Variants in MOV10L1 observed in about 807,000 individuals in gnomAD.
MOV10L1 encodes the protein RNA helicase Mov10l1.
In MOV10L1, 110 loss-of-function variants were observed where a neutral mutation model predicts 143.8. That is an observed-to-expected ratio of 0.76 (90% CI 0.66 to 0.90). The LOEUF (loss-of-function observed/expected upper bound fraction) is 0.90. Ranked by LOEUF, MOV10L1 falls within the 40% of genes least tolerant of loss-of-function variation. MOV10L1 has a pLI of 0.00. For synonymous variants in MOV10L1, 593 were observed against 581.1 expected, an observed-to-expected ratio of 1.02 and a Z score of -0.29; for missense variants, 1,406 against 1,526.8, an observed-to-expected ratio of 0.92 and a Z score of 1.32.
chr22:50,141,713 GCCCTGGGCTGTA>G (rs2062993604), intron 15 of MOV10L1, among the ~76,000 whole-genome samples: 1 of 152,072 alleles, frequency 6.6e-6, no homozygotes, highest in Non-Finnish European at 1.5e-5. Context: ...GAGACCCAGA[GCCCTGGGCTGTA>G]CCCTTGACTG....
chr22:50,109,258 A>G (rs1165179961), intron 5 of MOV10L1, among the ~76,000 whole-genome samples: 1 of 152,168 alleles, frequency 6.6e-6, no homozygotes, highest in African/African-American at 2.4e-5. Context: ...TTGTTGGGGT[A>G]AGAGGAGAGC....
chr22:50,154,738 G>A (rs560167279), intron 22 of MOV10L1, among the ~76,000 whole-genome samples: 2 of 152,266 alleles, frequency 1.3e-5, no homozygotes, highest in Admixed American at 1.3e-4. Flanking sequence ...GATCGTTCTT[G>A]TCTTACGAAT....
At chr22:50,123,419 C>T (rs1231179156) in intron 10 of MOV10L1, among the ~76,000 whole-genome samples, 1 of 152,152 alleles carries the variant, frequency 6.6e-6, no homozygotes, top group African/African-American at 2.4e-5. Context: ...GGCTGGAGTG[C>T]AATGGCTCAG....
intron 10 of MOV10L1, among the ~76,000 whole-genome samples, chr22:50,124,310 C>T (rs75268215): frequency 6.6e-6 from 1 of 152,288 alleles, no homozygotes; most frequent in East Asian, 1.9e-4. Flanking sequence ...TATTCATCTC[C>T]TAAGTATTTT....
chr22:50,099,770 G>A (rs2062690128), intron 3 of MOV10L1, among the ~76,000 whole-genome samples, 168 bp downstream of exon 3: 1 of 152,168 alleles, frequency 6.6e-6, no homozygotes, highest in African/African-American at 2.4e-5. Flanking sequence ...CTATGATCCA[G>A]CCACTACACT....
chr22:50,113,556 C>A, intron 5 of MOV10L1, 92 bp from the exon 6 acceptor site: 1 of 1,501,620 alleles, frequency 6.7e-7, no homozygotes, highest in Non-Finnish European at 8.9e-7. Flanking sequence ...CCTCTGAGTG[C>A]CCCCACCAGC....
At chr22:50,113,573 T>C in intron 5 of MOV10L1, 75 bp from the exon 6 acceptor site, 1 of 1,564,254 alleles carries the variant, frequency 6.4e-7, no homozygotes, top group South Asian at 1.2e-5. Context: ...CAGCAGTCTA[T>C]CCTCAGGAGC....
At position 50,125,508 on chromosome 22, in the gene MOV10L1, T is replaced by C. The variant is rs747190426; in HGVS notation, c.1686T>C (p.Asn562=). ...TGAGCGGGATCATCTTAAGAAGGAA[T>C]GGGGATCTGCTGGTTCTGGAGGTCC... ...YNMSGIILRR[N]GDLLVLEVPG... The change falls in exon 11 of 27, where the codon AAT becomes AAC. Residue 562 remains asparagine (N), a synonymous_variant. Transcript: ENST00000262794. The C allele has an allele frequency of 1.2e-6, 2 of 1,613,992 alleles. No individual in the cohort carries two copies. The highest frequency in any genetic ancestry group is 1.3e-5 in the African/African-American group (1 of 74,902).
intron 16 of MOV10L1, 142 bp downstream of exon 16, chr22:50,142,331 CTGACTG>C: frequency 1.8e-6 from 1 of 564,440 alleles, no homozygotes; most frequent in Non-Finnish European, 3.0e-6. Context: ...CGTCTCCACC[CTGACTG>C]GAGACTTGGT....
intron 3 of MOV10L1, 43 bp from the exon 4 acceptor site, chr22:50,108,091 TTG>T: frequency 1.9e-6 from 3 of 1,555,026 alleles, no homozygotes; most frequent in Non-Finnish European, 2.7e-6. Context: ...TCAGAATAAC[TTG>T]TGCACTTTAA....
In MOV10L1 at chr22:50,158,334, G is replaced by A. The variant is rs114396996; in HGVS notation, c.3216+128G>A. 1.7e-3 allele frequency: 1,931 copies of A among 1,152,800 alleles called. 24 individuals carry two copies. In the African/African-American group the frequency reaches 0.026, roughly 16 times the overall value. The allele number at this position is 1,152,800 out of a possible 1,614,324, so 71.4% of individuals were successfully genotyped here. A position where few individuals can be genotyped will look rare whatever the true frequency, so the allele number is the denominator to read the frequency against. ...AGCAGGTTTTTAAAGGGGCAGGACC[G>A]CACTTGAATGTCGTTCAACATGAGA... On this transcript the variant is annotated intron_variant, in intron 23 of 26. Transcript: ENST00000262794. This position sits in a 1 kb window ranked among gnomAD's most constrained non-coding sequence, Gnocchi z 5.0.
intron 2 of MOV10L1, chr22:50,094,505 T>G (rs1336964477): frequency 6.6e-6 from 1 of 151,546 alleles, no homozygotes; most frequent in African/African-American, 2.4e-5. Context: ...GTTCACACCA[T>G]TCTCCTGCCT....
chr22:50,091,138 G>T (rs2062428803), intron 1 of MOV10L1: 1 of 167,812 alleles, frequency 6.0e-6, no homozygotes, highest in South Asian at 2.1e-4. Context: ...ATCCACGAGG[G>T]CCGATGCCCG....
In MOV10L1 at chr22:50,116,277, C is replaced by G. The variant is rs574339915; in HGVS notation, c.1260-880C>G. On this transcript the variant is annotated intron_variant, in intron 8 of 26. Transcript: ENST00000262794. Reference sequence around the variant, plus strand: ...AGGTGCTAACACAGTGAAACCCTGTCTCTACTAAAAATAAAAAAAATTAGC... The same window carrying G: ...AGGTGCTAACACAGTGAAACCCTGTGTCTACTAAAAATAAAAAAAATTAGC... Among the ~76,000 whole-genome samples the G allele has an allele frequency of 8.0e-5, 12 of 150,292 alleles. No homozygotes were observed. The South Asian group carries it at 2.5e-3, about 32-fold the overall frequency.
At chr22:50,150,257 G>A (rs564994508) in intron 20 of MOV10L1, among the ~76,000 whole-genome samples, 1 of 152,192 alleles carries the variant, frequency 6.6e-6, no homozygotes, top group Non-Finnish European at 1.5e-5. Context: ...CTAGATGTCT[G>A]TCCCAGTCAC....
At chr22:50,116,299 T>C (rs1034166874) in intron 8 of MOV10L1, among the ~76,000 whole-genome samples, 1 of 151,662 alleles carries the variant, frequency 6.6e-6, no homozygotes, top group Non-Finnish European at 1.5e-5. Flanking sequence ...TAAAAAAAAT[T>C]AGCTGGGCGT....
At chr22:50,116,660 C>CTTTTTTTTTT in intron 8 of MOV10L1, among the ~76,000 whole-genome samples, 1 of 104,102 alleles carries the variant, frequency 9.6e-6, no homozygotes, top group Non-Finnish European at 1.9e-5. Flanking sequence ...TAGATGCTTA[C>CTTTTTTTTTT]TTTTTTTTTT....
rs778503206 is a variant in MOV10L1 at position 50,134,055 on chromosome 22, A to T, written c.1959A>T (p.Leu653Phe). 16 of 1,609,514 alleles carry T rather than the reference A, an allele frequency of 9.9e-6. No homozygotes were observed. The highest frequency in any genetic ancestry group is 1.4e-5 in the Non-Finnish European group (16 of 1,178,408). Residue 653 changes from leucine (L) to phenylalanine (F), a missense_variant, in exon 14 of 27, where the codon TTA (leucine) becomes TTT (phenylalanine). This residue lies in a region of MOV10L1 where 1,233 missense variants were observed against 1,351.4 expected (regional missense o/e 0.91). Transcript: ENST00000262794. ...TTGCACTTGAACACGTCATCCACTTAGGTGTAAAAGGTATTACTTTTATAG... is the reference window on the plus strand; with the variant it reads ...TTGCACTTGAACACGTCATCCACTTTGGTGTAAAAGGTATTACTTTTATAG... ...CHFALEHVIH[L>F]GVKVLFPEEI...
intron 17 of MOV10L1, 39 bp downstream of exon 17, chr22:50,143,260 T>A: frequency 1.3e-6 from 2 of 1,594,512 alleles, no homozygotes; most frequent in Middle Eastern, 1.7e-4. Context: ...GGCTCTGTGC[T>A]GCTGTTCATG....
Sources: allele counts gnomAD v4.1 joint callset (sites outside exome capture counted in the v4.1 genomes callset), GRCh38; gene constraint gnomAD v4.1.1; regional missense constraint gnomAD v4.1.1; non-coding constraint Gnocchi (gnomAD v3.1); transcripts MANE v1.5; gene names NCBI Gene and HGNC (gene_info 2026-07-23, HGNC 2026-07-21).